The following SPOCK2 variants were observed in gnomAD, a reference collection of about 807,000 sequenced individuals.
The protein encoded by SPOCK2 is testican-2.
Under a neutral mutation model 60.1 loss-of-function variants are expected in SPOCK2, and 39 were observed. The observed-to-expected ratio is 0.65, with a 90% CI of 0.50 to 0.85. The LOEUF is 0.85. Among genes scored for constraint, SPOCK2 ranks in the 40% least tolerant of loss-of-function variants. SPOCK2 has a pLI of 0.00. For missense variants in SPOCK2, 523 were observed against 567.4 expected (o/e 0.92, Z 0.80); for synonymous variants, 217 against 231.5 (o/e 0.94, Z 0.57).
In SPOCK2 at chr10:72,087,077, G is replaced by A; in HGVS notation, c.189+1063C>T. ...GGTGAGCACCAGGTCGCCAGGAGCA[G>A]CCGGCGTCGCCTCTGGCGCATCCGG... On this transcript the variant is annotated intron_variant, in intron 1 of 10. Coordinates refer to ENST00000373109, the MANE Select transcript of SPOCK2 (RefSeq NM_001244950.2). The surrounding 1 kb of genome is among the most constrained non-coding windows in gnomAD (Gnocchi z 4.7). 1 of 1,441,038 alleles carries A rather than the reference G, an allele frequency of 6.9e-7. No individual in the cohort carries two copies. The highest frequency in any genetic ancestry group is 9.3e-7 in the Non-Finnish European group (1 of 1,074,226). The allele number at this position is 1,441,038 out of a possible 1,614,324, so 89.3% of individuals were successfully genotyped here.
In SPOCK2 at chr10:72,068,240, G is replaced by C. The variant is rs746189172; in HGVS notation, c.536C>G (p.Pro179Arg). The C allele has an allele frequency of 9.3e-6, 15 of 1,611,944 alleles. No homozygotes were observed. Among genetic ancestry groups the C allele is most frequent in the Non-Finnish European group, 1.0e-5 (12 of 1,179,374 alleles). Residue 179 changes from proline (P) to arginine (R), a missense_variant, in exon 6 of 11, where the codon CCC (proline) becomes CGC (arginine). By Grantham distance (103) the Pro-to-Arg change is moderately radical (BLOSUM62 -2). Coordinates refer to ENST00000373109, the MANE Select transcript of SPOCK2 (RefSeq NM_001244950.2). ...AGCCTGCTCCGTGGGGCAGGGGCAG[G>C]GGCCCTCGCATCGCACCGCCAGCTG... is the stretch of plus-strand genomic sequence containing the variant. ...SKQLAVRCEG[P>R]CPCPTEQAAT... is the part of the protein sequence containing the mutation.
At position 72,088,490 on chromosome 10, in the gene SPOCK2, T is replaced by C. The variant is rs1840897425; in HGVS notation, c.-162A>G. 3 of 780,806 alleles carry C rather than the reference T, an allele frequency of 3.8e-6. No individual in the cohort carries two copies. Among genetic ancestry groups the C allele is most frequent in the South Asian group, 1.9e-5 (1 of 52,976 alleles). The allele number at this position is 780,806 out of a possible 1,614,324, so 48.4% of individuals were successfully genotyped here. Reference sequence around the variant, plus strand: ...AGTGGGTCGCGGCTGAAATGTGACCTGGTTAGGAGATGCACTTGTCTGAAA... The same window carrying C: ...AGTGGGTCGCGGCTGAAATGTGACCCGGTTAGGAGATGCACTTGTCTGAAA... On this transcript the variant is annotated 5_prime_UTR_variant, in exon 1 of 11. Coordinates refer to ENST00000373109, the MANE Select transcript of SPOCK2 (RefSeq NM_001244950.2).
chr10:72,088,126 C>A lies in SPOCK2; in HGVS notation c.189+14G>T. Reference sequence around the variant, plus strand: ...CAACCCCGGGTCTCTGCCTTGGCAGCCCTGCGGACTCACGTCTCGGAAGCG... The same window carrying A: ...CAACCCCGGGTCTCTGCCTTGGCAGACCTGCGGACTCACGTCTCGGAAGCG... On this transcript the variant is annotated intron_variant, in intron 1 of 10. Transcript: ENST00000373109. 1 of 1,611,378 alleles carries A rather than the reference C, an allele frequency of 6.2e-7. No homozygotes were observed. Among genetic ancestry groups the A allele is most frequent in the East Asian group, 2.2e-5 (1 of 44,826 alleles).
intron 4 of SPOCK2, 74 bp from the exon 5 acceptor site, chr10:72,070,500 C>A: frequency 7.1e-7 from 1 of 1,415,018 alleles, no homozygotes; most frequent in South Asian, 1.2e-5. Context: ...GAGGGCTGAG[C>A]AGACCTGTTC....
intron 1 of SPOCK2, among the ~76,000 whole-genome samples, chr10:72,074,244 C>T (rs1227914378): frequency 2.0e-5 from 3 of 152,036 alleles, no homozygotes; most frequent in African/African-American, 7.2e-5. Flanking sequence ...TGAAGCCTCC[C>T]CTGGAAGCTG....
rs114386129 is a variant in SPOCK2, at chr10:72,088,054, G to A, written c.189+86C>T. ...AGGCTGCGGAGCCTCGGGCTGCGAC[G>A]TGCGGCGGCCGCTCCCGCAGACCCC... On this transcript the variant is annotated intron_variant, in intron 1 of 10. Transcript: ENST00000373109. The A allele has an allele frequency of 0.012, 18,014 of 1,521,582 alleles. 859 individuals carry two copies. The African/African-American group carries it at 0.12, about 10-fold the overall frequency. The allele number at this position is 1,521,582 out of a possible 1,614,324, so 94.3% of individuals were successfully genotyped here.
At chr10:72,076,643 T>A (rs1218422688) in intron 1 of SPOCK2, among the ~76,000 whole-genome samples, 2 of 152,224 alleles carry the variant, frequency 1.3e-5, no homozygotes, top group East Asian at 3.8e-4. Context: ...GGTCTTGAAC[T>A]CCTGGGCTCA....
chr10:72,072,915 A>C lies in SPOCK2; in HGVS notation c.190-5T>G, dbSNP rs1444210698. The C allele has an allele frequency of 6.4e-7, 1 of 1,554,964 alleles. No individual in the cohort carries two copies. The highest frequency in any genetic ancestry group is 8.7e-7 in the Non-Finnish European group (1 of 1,148,868). ...GGCAGTACTCACCTCCACTTCCTGG[A>C]GATCAGGGAACAGCAGCAGGCCATG... On this transcript the variant is annotated splice_region_variant and splice_polypyrimidine_tract_variant and intron_variant, in intron 1 of 10. Coordinates refer to ENST00000373109, the MANE Select transcript of SPOCK2 (RefSeq NM_001244950.2).
chr10:72,077,962 C>T (rs918252941), intron 1 of SPOCK2, among the ~76,000 whole-genome samples: 2 of 152,204 alleles, frequency 1.3e-5, no homozygotes, highest in African/African-American at 2.4e-5. Context: ...TGCGGCCACC[C>T]GGATCCTTCC....
At chr10:72,088,117 C>T (rs770258843) in intron 1 of SPOCK2, 23 bp downstream of exon 1, 1 of 1,610,062 alleles carries the variant, frequency 6.2e-7, no homozygotes, top group South Asian at 1.1e-5. Flanking sequence ...CGGGTCTCTG[C>T]CTTGGCAGCC....
In SPOCK2 at chr10:72,064,239, C is replaced by T. The variant is rs753733594; in HGVS notation, c.930G>A (p.Lys310=). 1.1e-5 allele frequency: 17 copies of T among 1,595,240 alleles called. No homozygotes were observed. The highest frequency in any genetic ancestry group is 2.3e-5 in the South Asian group (2 of 88,484). ...AEWCFCFWRE[K]PPCLAELERI... ...GCTCCAGCTCTGCCAGGCAGGGGGG[C>T]TCTGTGGGGAGAGAAGCAGCCTCTG... Residue 310 remains lysine (K), a splice_region_variant and synonymous_variant, in exon 9 of 11, where the codon AAG becomes AAA. Transcript: ENST00000373109.
intron 1 of SPOCK2, among the ~76,000 whole-genome samples, chr10:72,081,790 A>G (rs1019771807): frequency 1.3e-5 from 2 of 152,196 alleles, no homozygotes; most frequent in African/African-American, 4.8e-5. Context: ...GAAGAGGAAG[A>G]GATCTCCCCA....
chr10:72,081,514 C>T (rs1455577614), intron 1 of SPOCK2, among the ~76,000 whole-genome samples: 2 of 152,222 alleles, frequency 1.3e-5, no homozygotes, highest in Admixed American at 6.5e-5. Context: ...GCCCTGTCTC[C>T]ACCATCCACA....
chr10:72,073,288 C>T (rs533517149), intron 1 of SPOCK2, among the ~76,000 whole-genome samples: 1 of 152,332 alleles, frequency 6.6e-6, no homozygotes, highest in African/African-American at 2.4e-5. Context: ...CAGAAACTGC[C>T]TGAGAAACGG....
rs12765896 is a variant in SPOCK2 at position 72,065,192 on chromosome 10, T to C, written c.929-952A>G. ...CTGAGATTACAGGCACCTGCCACCA[T>C]GCCTGGCTAATTTTTGTATTTTTAG... is the stretch of plus-strand genomic sequence containing the variant. On this transcript the variant is annotated intron_variant, in intron 8 of 10. Coordinates refer to ENST00000373109, the MANE Select transcript of SPOCK2 (RefSeq NM_001244950.2). 1.4e-4 allele frequency among the ~76,000 whole-genome samples: 10 copies of C among 73,110 alleles called. 2 individuals are homozygous for C. Among genetic ancestry groups the C allele is most frequent in the East Asian group, 5.0e-4 (2 of 3,976 alleles). The allele number at this position is 73,110 out of a possible 152,430, so 48.0% of individuals were successfully genotyped here.
At chr10:72,086,353 G>C in intron 1 of SPOCK2, 2 of 999,808 alleles carry the variant, frequency 2.0e-6, no homozygotes, top group Non-Finnish European at 2.4e-6. Flanking sequence ...CTCACCCACG[G>C]AGCTGGCTAT....
intron 1 of SPOCK2, among the ~76,000 whole-genome samples, chr10:72,074,021 G>C (rs1443814166): frequency 6.6e-6 from 1 of 152,186 alleles, no homozygotes. Flanking sequence ...GAGCTGGGGG[G>C]AGAGGGGCAT....
chr10:72,085,822 C>G (rs563745503), intron 1 of SPOCK2, among the ~76,000 whole-genome samples: 51 of 152,332 alleles, frequency 3.3e-4, no homozygotes, highest in Non-Finnish European at 4.3e-4. Flanking sequence ...CTACTGGGCC[C>G]AGTTAGAGTG....
intron 4 of SPOCK2, among the ~76,000 whole-genome samples, chr10:72,071,197 T>G (rs373342896): frequency 2.7e-4 from 41 of 150,672 alleles, no homozygotes; most frequent in African/African-American, 9.7e-4. Flanking sequence ...TTTGTTGTGT[T>G]TTTTTTTTTT....
Sources: gnomAD v4.1 joint callset for allele counts (sites outside exome capture counted in the v4.1 genomes callset) on GRCh38, gnomAD v4.1.1 for gene constraint, Gnocchi (gnomAD v3.1) non-coding constraint, MANE v1.5 for transcripts, NCBI Gene and HGNC (gene_info 2026-07-23, HGNC 2026-07-21) for gene names.